The following TEX15 variants were observed in gnomAD, a reference collection of about 807,000 sequenced individuals.
The protein encoded by TEX15 is testis expressed 15, meiosis and synapsis associated.
TEX15 carries 171 observed loss-of-function variants against 237.3 expected under a neutral mutation model. The observed-to-expected ratio is 0.72, with a 90% CI of 0.64 to 0.82. TEX15 has a LOEUF of 0.82. Ranked by LOEUF, TEX15 falls within the 40% of genes least tolerant of loss-of-function variation. The pLI is 0.00. For missense variants in TEX15, 3,750 were observed against 3,646.5 expected, an observed-to-expected ratio of 1.03 and a Z score of -0.73; for synonymous variants, 1,338 against 1,269.8, an observed-to-expected ratio of 1.05 and a Z score of -1.14.
At chr8:30,897,076 C>G (rs573299924) in intron 2 of TEX15, among the ~76,000 whole-genome samples, 59 of 152,116 alleles carry the variant, frequency 3.9e-4, no homozygotes, top group Non-Finnish European at 8.4e-4. Context: ...ATTGTCTTTA[C>G]AAAATCGGGT....
chr8:30,901,835 G>A (rs1809011091), intron 1 of TEX15, among the ~76,000 whole-genome samples: 1 of 152,170 alleles, frequency 6.6e-6, no homozygotes, highest in African/African-American at 2.4e-5. Flanking sequence ...AAGGCATAGA[G>A]CTAGAAAAAA....
rs556840075 is a variant in TEX15 at position 30,832,013 on chromosome 8, A to G, written c.*1273T>C. On this transcript the variant is annotated 3_prime_UTR_variant, in exon 11 of 11. Transcript: ENST00000643185. ...CAAATCTCTTACTTCTTTCGGTTAC[A>G]GTTCTTTGCTTGACCTTCCCTTTTT... is the stretch of plus-strand genomic sequence containing the variant. 3 of 152,300 alleles carry G rather than the reference A, an allele frequency of 2.0e-5. No homozygotes were observed. Among genetic ancestry groups the G allele is most frequent in the African/African-American group, 7.2e-5 (3 of 41,572 alleles). The allele number at this position is 152,300 out of a possible 1,614,324, so 9.4% of individuals were successfully genotyped here.
intron 3 of TEX15, 117 bp downstream of exon 3, chr8:30,887,050 T>C (rs891577480): frequency 4.5e-6 from 4 of 887,436 alleles, no homozygotes; most frequent in Non-Finnish European, 6.5e-6. Context: ...TTTAAGGAAT[T>C]AGAGACCTGA....
rs1254950866 is a variant in TEX15, at chr8:30,845,644, T to C, written c.4523A>G (p.Glu1508Gly). The C allele has an allele frequency of 1.2e-6, 2 of 1,613,556 alleles. No individual in the cohort carries two copies. The highest frequency in any genetic ancestry group is 4.5e-5 in the East Asian group (2 of 44,862). ...KSHPTTSHMG[E>G]FCNQEHPESQ... The stretch of plus-strand genomic sequence containing the variant: ...TTCAGGATGTTCTTGATTACAAAAT[T>C]CTCCCATGTGACTGGTGGTGGGGTG... The change falls in exon 8 of 11, where the codon GAA becomes GGA. Residue 1508 changes from glutamate (E) to glycine (G), a missense_variant. Physicochemically the swap from Glu to Gly is moderately conservative, Grantham distance 98. Coordinates refer to ENST00000643185, the MANE Select transcript of TEX15 (RefSeq NM_001350162.2).
chr8:30,863,755 GA>G (rs1268228554), intron 5 of TEX15, among the ~76,000 whole-genome samples: 1 of 152,046 alleles, frequency 6.6e-6, no homozygotes, highest in Admixed American at 6.6e-5. Flanking sequence ...TGCAGGCTCA[GA>G]AAAGGCTGAG....
rs1187073997 is a variant in TEX15 at position 30,842,003 on chromosome 8, C to A, written c.8163+1G>T. Reference sequence around the variant, plus strand: ...AAAGTTTTGTTTTAAAACATACATACCTTTAGCTTTTTACAACTGGAAACA... The same window carrying A: ...AAAGTTTTGTTTTAAAACATACATAACTTTAGCTTTTTACAACTGGAAACA... On this transcript the variant is annotated splice_donor_variant, in intron 8 of 10. Transcript: ENST00000643185. LOFTEE classifies it high-confidence loss of function. 6.4e-7 allele frequency: 1 copy of A among 1,569,326 alleles called. No homozygotes were observed. The highest frequency in any genetic ancestry group is 8.6e-7 in the Non-Finnish European group (1 of 1,162,350).
chr8:30,851,422 G>C (rs1420069027), intron 7 of TEX15, among the ~76,000 whole-genome samples: 1 of 152,180 alleles, frequency 6.6e-6, no homozygotes, highest in Non-Finnish European at 1.5e-5. Flanking sequence ...TTGAGGTCAG[G>C]AGTTTGAGAC....
Position 30,887,241 on chromosome 8 carries a change from G to C in TEX15, c.62C>G (p.Pro21Arg). The change falls in exon 3 of 11, where the codon CCC (proline) becomes CGC (arginine). Residue 21 changes from proline to arginine, a missense_variant. Transcript: ENST00000643185. ...ATTGACTTCACGAGTATTCAACACGGGTTTGCTAGTTGAGCTCATTTGCCA... is the reference window on the plus strand; with the variant it reads ...ATTGACTTCACGAGTATTCAACACGCGTTTGCTAGTTGAGCTCATTTGCCA... The part of the protein sequence containing the change: ...TLWQMSSTSK[P>R]VLNTREVNPL... 2.0e-6 allele frequency: 3 copies of C among 1,535,796 alleles called. No homozygotes were observed. The highest frequency in any genetic ancestry group is 2.6e-6 in the Non-Finnish European group (3 of 1,146,774).
intron 6 of TEX15, 44 bp from the exon 7 acceptor site, chr8:30,858,874 A>G: frequency 1.5e-6 from 2 of 1,367,086 alleles, no homozygotes; most frequent in South Asian, 3.0e-5. Context: ...TTTGGCAATC[A>G]GAGTTGAATA....
At position 30,901,995 on chromosome 8, in the gene TEX15, T is replaced by G. The variant is rs78091957; in HGVS notation, c.-85-3178A>C. Among the ~76,000 whole-genome samples the G allele has an allele frequency of 6.1e-3, 925 of 152,282 alleles. 11 individuals carry two copies. Among genetic ancestry groups the G allele is most frequent in the African/African-American group, 0.021 (876 of 41,560 alleles). Reference sequence around the variant, plus strand: ...GAACTAGGGGAAGTGGTTCTCAAACTGTGGTCCCTAGATCAGCAGCATCAG... The same window carrying G: ...GAACTAGGGGAAGTGGTTCTCAAACGGTGGTCCCTAGATCAGCAGCATCAG... On this transcript the variant is annotated intron_variant, in intron 1 of 10. Transcript: ENST00000643185.
At chr8:30,883,821 G>A (rs915954619) in intron 3 of TEX15, among the ~76,000 whole-genome samples, 5 of 152,192 alleles carry the variant, frequency 3.3e-5, no homozygotes, top group African/African-American at 1.2e-4. Flanking sequence ...ATGTGTGCAT[G>A]TGTCTTTATG....
intron 5 of TEX15, among the ~76,000 whole-genome samples, chr8:30,866,042 C>G (rs1355594268): frequency 6.6e-6 from 1 of 152,096 alleles, no homozygotes; most frequent in African/African-American, 2.4e-5. Flanking sequence ...TTTAGGAAAA[C>G]CTAGTGTCAT....
rs573972061 is a variant in TEX15, at chr8:30,891,492, T to C, written c.-9-4181A>G. On this transcript the variant is annotated intron_variant, in intron 2 of 10. Transcript: ENST00000643185. ...CATTTTCTCCCCGCACCCCCCCTTT[T>C]TTTTTTCGACAATGTCTTGCTCTGT... is the stretch of plus-strand genomic sequence containing the variant. Among the ~76,000 whole-genome samples the C allele has an allele frequency of 4.6e-5, 7 of 152,188 alleles. No homozygotes were observed. The South Asian group carries it at 1.5e-3, about 32-fold the overall frequency.
In TEX15 at chr8:30,842,171, C is replaced by T. The variant is rs148557222; in HGVS notation, c.7996G>A (p.Glu2666Lys). 16 of 1,612,212 alleles carry T rather than the reference C, an allele frequency of 9.9e-6. No homozygotes were observed. The highest frequency in any genetic ancestry group is 1.3e-5 in the Non-Finnish European group (15 of 1,179,314). ...GAAATACTAAATTTATTGTTATTTT[C>T]CCCAGGTTTTACAATATGAATATTC... ...KMNIHIVKPGENNNKFSISTM... is the reference protein window; with the variant it reads ...KMNIHIVKPGKNNNKFSISTM... Residue 2666 changes from glutamate (E) to lysine (K), a missense_variant, in exon 8 of 11, where the codon GAA (glutamate) becomes AAA (lysine). Coordinates refer to ENST00000643185, the MANE Select transcript of TEX15 (RefSeq NM_001350162.2).
In TEX15 at chr8:30,842,183, CAATATG is replaced by C; in HGVS notation, c.7978_7983del (p.His2660_Ile2661del). 1.2e-6 allele frequency: 2 copies of C among 1,612,358 alleles called. No individual in the cohort carries two copies. Among genetic ancestry groups the C allele is most frequent in the Non-Finnish European group, 1.7e-6 (2 of 1,179,386 alleles). ...TTATTGTTATTTTCCCCAGGTTTTA[CAATATG>C]AATATTCATTTTTTCTTTTCTCTTC... On this transcript the variant is annotated inframe_deletion, in exon 8 of 11. Coordinates refer to ENST00000643185, the MANE Select transcript of TEX15 (RefSeq NM_001350162.2).
intron 3 of TEX15, among the ~76,000 whole-genome samples, chr8:30,886,592 G>A (rs1286218565): frequency 2.6e-5 from 4 of 152,006 alleles, no homozygotes; most frequent in Admixed American, 6.5e-5. Context: ...CCATGGGGAA[G>A]GAAAGGGGTA....
chr8:30,853,120 A>C (rs1227310055), intron 7 of TEX15, among the ~76,000 whole-genome samples: 1 of 152,212 alleles, frequency 6.6e-6, no homozygotes, highest in Non-Finnish European at 1.5e-5. Flanking sequence ...CCTTTGATTA[A>C]AGCAATAAGC....
chr8:30,849,583 G>GA (rs954569688), intron 7 of TEX15, among the ~76,000 whole-genome samples: 2 of 151,692 alleles, frequency 1.3e-5, no homozygotes, highest in Admixed American at 6.6e-5. Context: ...ACAAATAATA[G>GA]AAAAAAAATG....
In TEX15 at chr8:30,833,120, TATATG is replaced by T; in HGVS notation, c.*161_*165del. ...TATCAGATGTTAGAAATTGATGTCC[TATATG>T]ATATGTGTTAGATTATTTGTATATT... On this transcript the variant is annotated 3_prime_UTR_variant, in exon 11 of 11. Coordinates refer to ENST00000643185, the MANE Select transcript of TEX15 (RefSeq NM_001350162.2). The T allele has an allele frequency of 1.9e-6, 1 of 536,776 alleles. No homozygotes were observed. Among genetic ancestry groups the T allele is most frequent in the East Asian group, 3.1e-5 (1 of 31,830 alleles). The allele number at this position is 536,776 out of a possible 1,614,324, so 33.3% of individuals were successfully genotyped here.
Sources: gnomAD v4.1 joint callset for allele counts (sites outside exome capture counted in the v4.1 genomes callset) on GRCh38, gnomAD v4.1.1 for gene constraint, MANE v1.5 for transcripts, NCBI Gene and HGNC (gene_info 2026-07-23, HGNC 2026-07-21) for gene names.